Variants in RASEF observed in about 807,000 individuals in gnomAD.
RASEF encodes RAS and EF-hand domain containing, also known as ras and EF-hand domain-containing protein.
In RASEF, 68 loss-of-function variants were observed where a neutral mutation model predicts 90.1. That is an observed-to-expected ratio of 0.75 (90% confidence interval 0.62 to 0.92). The LOEUF is 0.92. RASEF is among the 40% of genes least tolerant of loss of function. RASEF has a pLI of 0.00. For synonymous variants in RASEF, 331 were observed against 345.2 expected (o/e 0.96, Z 0.46); for missense variants, 949 against 937.2 (o/e 1.01, Z -0.16).
the RASEF span, among the ~76,000 whole-genome samples, chr9:83,108,358 C>A: frequency 6.6e-6 from 1 of 152,154 alleles, no homozygotes; most frequent in Non-Finnish European, 1.5e-5. Flanking sequence ...ACTATGGCCC[C>A]CTGGACAACC....
intron 14 of RASEF, among the ~76,000 whole-genome samples, chr9:82,995,075 A>G (rs1828889904): frequency 6.6e-6 from 1 of 152,228 alleles, no homozygotes; most frequent in Non-Finnish European, 1.5e-5. Flanking sequence ...CATCCATAAC[A>G]AACTTAAGAA....
chr9:83,145,271 T>G, the RASEF span, among the ~76,000 whole-genome samples: 12 of 151,978 alleles, frequency 7.9e-5, no homozygotes, highest in African/African-American at 2.9e-4. Flanking sequence ...GTCTCTGGAG[T>G]GGAGTTGTAC....
the RASEF span, among the ~76,000 whole-genome samples, chr9:83,102,068 G>A: frequency 6.6e-6 from 1 of 152,050 alleles, no homozygotes; most frequent in Non-Finnish European, 1.5e-5. Flanking sequence ...AAAAAAGATG[G>A]CACAAAGGTG....
intron 1 of RASEF, among the ~76,000 whole-genome samples, chr9:83,036,285 G>A (rs1403644123): frequency 2.0e-5 from 3 of 152,248 alleles, no homozygotes; most frequent in Admixed American, 6.5e-5. Context: ...AAGATTGGAA[G>A]CAGCTGCCTC....
upstream of RASEF, among the ~76,000 whole-genome samples, chr9:83,065,153 C>G (rs1345163905): frequency 6.6e-6 from 1 of 152,172 alleles, no homozygotes; most frequent in Non-Finnish European, 1.5e-5. Context: ...CTTATTTCTA[C>G]CAATATTAAT....
At chr9:83,062,273 T>G (rs1273250769) in intron 1 of RASEF, among the ~76,000 whole-genome samples, 164 bp downstream of exon 1, 3 of 151,746 alleles carry the variant, frequency 2.0e-5, no homozygotes, top group African/African-American at 7.3e-5. Flanking sequence ...TTTTCTTAAC[T>G]CTAGCGGATC....
chr9:83,046,020 C>T (rs556211238), intron 1 of RASEF, among the ~76,000 whole-genome samples: 1 of 149,334 alleles, frequency 6.7e-6, no homozygotes, highest in East Asian at 1.9e-4. Context: ...CTTCCTTCAC[C>T]TTCGGAAAAA....
intron 1 of RASEF, among the ~76,000 whole-genome samples, chr9:83,058,874 G>C (rs1362815011): frequency 2.6e-5 from 4 of 152,258 alleles, no homozygotes; most frequent in Admixed American, 2.6e-4. Flanking sequence ...TCGACATCGT[G>C]CATGTAGAAA....
intron 13 of RASEF, 77 bp from the exon 14 acceptor site, chr9:82,997,203 C>G: frequency 1.1e-6 from 1 of 919,898 alleles, no homozygotes; most frequent in South Asian, 1.3e-5. Context: ...ATTTTTTTCT[C>G]CTCTTCTAAA....
At chr9:83,000,650 G>A in intron 10 of RASEF, 80 bp from the exon 11 acceptor site, 5 of 1,305,744 alleles carry the variant, frequency 3.8e-6, no homozygotes, top group Non-Finnish European at 5.2e-6. Context: ...ATACATTATG[G>A]ATTAAAAAGA....
chr9:83,062,362 CACACCTGCAAGTAAGTGGGAAG>C, intron 1 of RASEF, 53 bp downstream of exon 1: 1 of 1,475,774 alleles, frequency 6.8e-7, no homozygotes, highest in Non-Finnish European at 9.3e-7. Flanking sequence ...ATTGGGTCTG[CACACCTGCAAGTAAGTGGGAAG>C]AAGCAAGCAG....
Position 82,994,658 on chromosome 9 carries a change from A to G in RASEF, c.1921-1633T>C, listed in dbSNP as rs188669899. On this transcript the variant is annotated intron_variant, in intron 14 of 16. Coordinates refer to ENST00000376447, the MANE Select transcript of RASEF (RefSeq NM_152573.4). ...GGAACCGGGCAGATCCTCAAAAAAT[A>G]GTTTTGAATGTGTTAAAACTGGGAA... is the stretch of plus-strand genomic sequence containing the variant. Among the ~76,000 whole-genome samples the G allele has an allele frequency of 6.7e-3, 1,015 of 152,338 alleles. 16 individuals are homozygous for G. The highest frequency in any genetic ancestry group is 0.023 in the African/African-American group (972 of 41,566).
chr9:83,082,783 T>C, the RASEF span, among the ~76,000 whole-genome samples: 1 of 152,184 alleles, frequency 6.6e-6, no homozygotes, highest in Non-Finnish European at 1.5e-5. Context: ...TAAAAGTTTA[T>C]TGGACTCTGA....
At position 83,000,420 on chromosome 9, in the gene RASEF, G is replaced by C. The variant is rs769944554; in HGVS notation, c.1575+13C>G. The C allele has an allele frequency of 1.2e-6, 2 of 1,613,018 alleles. No homozygotes were observed. The highest frequency in any genetic ancestry group is 4.5e-5 in the East Asian group (2 of 44,870). ...CAGTGTTCATGAATAGGAGTGTCTC[G>C]GAGACCACCTACCTGGGGCGAGAGT... On this transcript the variant is annotated intron_variant, in intron 11 of 16. Transcript: ENST00000376447.
the RASEF span, among the ~76,000 whole-genome samples, chr9:83,107,184 C>T: frequency 1.3e-5 from 2 of 152,186 alleles, no homozygotes; most frequent in South Asian, 2.1e-4. Flanking sequence ...CCCTCCATAC[C>T]TACCACCACA....
At chr9:83,102,446 G>T in the RASEF span, among the ~76,000 whole-genome samples, 1 of 152,178 alleles carries the variant, frequency 6.6e-6, no homozygotes, top group Non-Finnish European at 1.5e-5. Context: ...TGTTGCTGCC[G>T]TACACATGTC....
intron 1 of RASEF, among the ~76,000 whole-genome samples, chr9:83,036,887 T>C (rs1829749842): frequency 6.6e-6 from 1 of 152,122 alleles, no homozygotes; most frequent in African/African-American, 2.4e-5. Flanking sequence ...TTCGTTTTTT[T>C]GTTTTTGTTT....
chr9:83,038,578 G>A (rs776556316), intron 1 of RASEF, among the ~76,000 whole-genome samples: 3 of 152,058 alleles, frequency 2.0e-5, no homozygotes, highest in East Asian at 1.9e-4. Context: ...ATTAAAATAC[G>A]TGAATATATT....
the RASEF span, among the ~76,000 whole-genome samples, chr9:83,196,219 T>C: frequency 6.6e-6 from 1 of 152,106 alleles, no homozygotes; most frequent in Non-Finnish European, 1.5e-5. Context: ...AAACGGTTAA[T>C]GTCAGGGCTG....
Sources: gnomAD v4.1 joint callset for allele counts (sites outside exome capture counted in the v4.1 genomes callset) on GRCh38, gnomAD v4.1.1 for gene constraint, MANE v1.5 for transcripts, NCBI Gene and HGNC (gene_info 2026-07-23, HGNC 2026-07-21) for gene names.